The following MCM10 variants were observed in gnomAD, a reference collection of about 807,000 sequenced individuals.
MCM10 encodes minichromosome maintenance 10 replication initiation factor.
Under a neutral mutation model 109.9 loss-of-function variants are expected in MCM10, and 91 were observed. The ratio of observed to expected loss-of-function variants is 0.83; its 90% CI spans 0.70 to 0.99. The LOEUF (loss-of-function observed/expected upper bound fraction) is 0.99. MCM10 is among the 50% of genes least tolerant of loss of function. The pLI is 0.00. For synonymous variants in MCM10, 380 were observed against 387.2 expected, an observed-to-expected ratio of 0.98 and a Z score of 0.22; for missense variants, 1,077 against 1,061.2, an observed-to-expected ratio of 1.01 and a Z score of -0.21.
intron 5 of MCM10, 80 bp from the exon 6 acceptor site, chr10:13,175,430 A>C (rs919207423): frequency 1.5e-5 from 19 of 1,257,282 alleles, no homozygotes; most frequent in African/African-American, 5.9e-5. Context: ...CAAAGGAACA[A>C]ATCCGTAAAA....
At chr10:13,195,934 C>A (rs564069310) in intron 14 of MCM10, among the ~76,000 whole-genome samples, 1 of 152,042 alleles carries the variant, frequency 6.6e-6, no homozygotes, top group East Asian at 1.9e-4. Context: ...GACAGACTAT[C>A]CCCCTGTCAC....
At chr10:13,180,087 C>G (rs973212437) in intron 6 of MCM10, among the ~76,000 whole-genome samples, 6 of 152,126 alleles carry the variant, frequency 3.9e-5, no homozygotes, top group African/African-American at 9.7e-5. Flanking sequence ...AACCCCATCT[C>G]TACTAAAAAT....
At chr10:13,199,616 G>T (rs947864709) in intron 16 of MCM10, among the ~76,000 whole-genome samples, 5 of 151,724 alleles carry the variant, frequency 3.3e-5, no homozygotes, top group African/African-American at 4.8e-5. Flanking sequence ...TAGTCATTTC[G>T]AAAAAAATCA....
intron 2 of MCM10, 45 bp downstream of exon 2, chr10:13,164,254 A>T: frequency 6.4e-7 from 1 of 1,568,588 alleles, no homozygotes; most frequent in Non-Finnish European, 8.6e-7. Flanking sequence ...AGGAAAACTA[A>T]CCTTTTGTCC....
At chr10:13,198,927 A>C in intron 16 of MCM10, 120 bp downstream of exon 16, 2 of 691,046 alleles carry the variant, frequency 2.9e-6, no homozygotes, top group Admixed American at 2.3e-5. Context: ...ACAGAGTCTC[A>C]GTCTGTGGCC....
chr10:13,197,926 T>C (rs1461729350), intron 15 of MCM10, among the ~76,000 whole-genome samples, 159 bp downstream of exon 15: 1 of 151,974 alleles, frequency 6.6e-6, no homozygotes, highest in East Asian at 1.9e-4. Context: ...GATTTTTTTT[T>C]TTTTTTTCAT....
At chr10:13,200,758 T>C (rs1834487612) in intron 16 of MCM10, among the ~76,000 whole-genome samples, 1 of 152,254 alleles carries the variant, frequency 6.6e-6, no homozygotes, top group Non-Finnish European at 1.5e-5. Flanking sequence ...GTGGAGTCTG[T>C]ATTAGAACAG....
chr10:13,161,654 G>C (rs1433051781), intron 1 of MCM10, 48 bp downstream of exon 1: 2 of 152,324 alleles, frequency 1.3e-5, no homozygotes, highest in African/African-American at 4.8e-5. Context: ...GGGCGGCGGG[G>C]CCGGGGCCGC....
intron 10 of MCM10, among the ~76,000 whole-genome samples, chr10:13,189,302 A>T (rs1834317270): frequency 6.6e-6 from 1 of 151,806 alleles, no homozygotes; most frequent in South Asian, 2.1e-4. Flanking sequence ...GGACTTTAAG[A>T]GAGCCCACTC....
rs1045544552 is a variant in MCM10 at position 13,209,473 on chromosome 10, T to C, written c.*163T>C. 3 of 622,426 alleles carry C rather than the reference T, an allele frequency of 4.8e-6. No individual in the cohort carries two copies. In the African/African-American group the frequency reaches 5.5e-5, roughly 11 times the overall value. The allele number at this position is 622,426 out of a possible 1,614,324, so 38.6% of individuals were successfully genotyped here. A position where few individuals can be genotyped will look rare whatever the true frequency, so the allele number is the denominator to read the frequency against. ...TGCTTACTTTCTGCCATTGGGTTGG[T>C]TTGATACCACATTTAACATTGACAT... is the stretch of plus-strand genomic sequence containing the variant. On this transcript the variant is annotated 3_prime_UTR_variant, in exon 20 of 20. Transcript: ENST00000378714.
At chr10:13,181,188 C>T (rs989505563) in intron 7 of MCM10, among the ~76,000 whole-genome samples, 6 of 152,150 alleles carry the variant, frequency 3.9e-5, no homozygotes, top group Non-Finnish European at 7.4e-5. Flanking sequence ...CTTAGGTTGG[C>T]TGTTAATCTT....
intron 5 of MCM10, 52 bp from the exon 6 acceptor site, chr10:13,175,458 G>A (rs370482663): frequency 1.8e-4 from 267 of 1,491,140 alleles, no homozygotes; most frequent in Middle Eastern, 3.4e-4. Flanking sequence ...TCCAAATTCC[G>A]TTCGTGATTA....
intron 5 of MCM10, among the ~76,000 whole-genome samples, chr10:13,173,076 CCTGTAGT>C (rs1834096495): frequency 6.6e-6 from 1 of 151,960 alleles, no homozygotes; most frequent in Non-Finnish European, 1.5e-5. Flanking sequence ...GTGTTGCTTG[CCTGTAGT>C]CTCAGCTACC....
At chr10:13,199,449 AAG>A (rs1198953067) in intron 16 of MCM10, among the ~76,000 whole-genome samples, 1 of 152,210 alleles carries the variant, frequency 6.6e-6, no homozygotes, top group Non-Finnish European at 1.5e-5. Flanking sequence ...AATATGCAAA[AAG>A]AGTTTTCCCA....
chr10:13,205,422 A>T (rs1834567011), intron 18 of MCM10, among the ~76,000 whole-genome samples: 1 of 152,090 alleles, frequency 6.6e-6, no homozygotes, highest in Admixed American at 6.6e-5. Flanking sequence ...TTCTTTATCC[A>T]GTCATCTCTT....
At chr10:13,197,517 G>T (rs1016728731) in intron 14 of MCM10, 106 bp from the exon 15 acceptor site, 1 of 1,001,104 alleles carries the variant, frequency 1.0e-6, no homozygotes, top group Non-Finnish European at 1.5e-6. Context: ...ATTTCTGTCA[G>T]AGAACAGCCA....
intron 3 of MCM10, among the ~76,000 whole-genome samples, chr10:13,171,606 G>T (rs867764858): frequency 6.6e-6 from 1 of 152,178 alleles, no homozygotes; most frequent in African/African-American, 2.4e-5. Flanking sequence ...TATTTGAGCA[G>T]AGCATTCCTG....
Position 13,193,132 on chromosome 10 carries a change from T to G in MCM10, c.1745+564T>G, listed in dbSNP as rs373944256. ...AAATTCCTGGACGCAAGCCTGGATT[T>G]GCCTGGCTGCCATTTCTGGGTTTTG... On this transcript the variant is annotated intron_variant, in intron 13 of 19. Transcript: ENST00000378714. Among the ~76,000 whole-genome samples the G allele has an allele frequency of 5.9e-5, 9 of 152,230 alleles. No individual in the cohort carries two copies. The South Asian group carries it at 8.3e-4, about 14-fold the overall frequency.
rs1833963362 is a variant in MCM10, at chr10:13,164,124, A to G, written c.-75-4A>G. On this transcript the variant is annotated splice_region_variant and splice_polypyrimidine_tract_variant and intron_variant, in intron 1 of 19. Transcript: ENST00000378714. ...GTGACATTTCTAATATTGCTTTCAC[A>G]CAGCCAAGATTCTACATTGCTCATC... 1 of 1,296,976 alleles carries G rather than the reference A, an allele frequency of 7.7e-7. No homozygotes were observed. Among genetic ancestry groups the G allele is most frequent in the Non-Finnish European group, 1.1e-6 (1 of 942,832 alleles). The allele number at this position is 1,296,976 out of a possible 1,614,324, so 80.3% of individuals were successfully genotyped here. A position where few individuals can be genotyped will look rare whatever the true frequency, so the allele number is the denominator to read the frequency against.
Sources: gnomAD v4.1 joint callset for allele counts (sites outside exome capture counted in the v4.1 genomes callset) on GRCh38, gnomAD v4.1.1 for gene constraint, MANE v1.5 for transcripts, NCBI Gene and HGNC (gene_info 2026-07-23, HGNC 2026-07-21) for gene names.